SCGB2B2: variants seen among roughly 807,000 people sequenced by gnomAD.
SCGB2B2 encodes secretoglobin-like protein.
Under a neutral mutation model 7.6 loss-of-function variants are expected in SCGB2B2, and 11 were observed. The observed-to-expected ratio is 1.45, with a 90% confidence interval of 0.91 to 2.40. The LOEUF (loss-of-function observed/expected upper bound fraction) is 2.40, where lower values mean the gene tolerates loss of function less well. Among genes scored for constraint, SCGB2B2 ranks in the 30% most tolerant of loss-of-function variants. The probability of loss-of-function intolerance (pLI) is 0.00; values close to 1 mark genes in which losing one functional copy is unlikely to be tolerated. For synonymous variants in SCGB2B2, 50 were observed against 48.6 expected (o/e 1.03, Z -0.12); for missense variants, 104 against 115.4 (o/e 0.90, Z 0.45).
Position 34,625,155 on chromosome 19 carries a change from G to A in SCGB2B2, c.-2031-28561C>T, listed in dbSNP as rs557127930. Among the ~76,000 whole-genome samples the A allele has an allele frequency of 1.7e-3, 257 of 152,296 alleles. 1 individual carries two copies. The highest frequency in any genetic ancestry group is 5.7e-3 in the African/African-American group (235 of 41,566). The stretch of plus-strand genomic sequence containing the variant: ...GAAGTGAGGTGGAGCCAAGATGGCC[G>A]AATAAGAACAGTTACAGTCTACAGC... On this transcript the variant is annotated intron_variant, in intron 1 of 3. Coordinates refer to ENST00000601241, the MANE Select transcript of SCGB2B2 (RefSeq NM_001025591.4).
intron 1 of SCGB2B2, among the ~76,000 whole-genome samples, chr19:34,613,833 G>C (rs951940389): frequency 6.6e-6 from 1 of 152,110 alleles, no homozygotes; most frequent in African/African-American, 2.4e-5. Flanking sequence ...AATGTCCTTA[G>C]AGTTTCTTTT....
intron 1 of SCGB2B2, among the ~76,000 whole-genome samples, chr19:34,674,242 G>A (rs969821235): frequency 3.3e-5 from 5 of 152,174 alleles, no homozygotes; most frequent in African/African-American, 1.2e-4. Context: ...CTTAAGTGTG[G>A]TTTAAAGTGG....
intron 1 of SCGB2B2, among the ~76,000 whole-genome samples, chr19:34,615,121 G>T (rs1416715192): frequency 6.6e-6 from 1 of 152,096 alleles, no homozygotes; most frequent in Non-Finnish European, 1.5e-5. Context: ...GTGGCTATTA[G>T]CCCCCAGAAC....
At chr19:34,638,724 A>G (rs1021517188) in intron 1 of SCGB2B2, among the ~76,000 whole-genome samples, 1 of 152,188 alleles carries the variant, frequency 6.6e-6, no homozygotes, top group South Asian at 2.1e-4. Context: ...CAAAGGTTTA[A>G]TGCCAAAATA....
intron 1 of SCGB2B2, among the ~76,000 whole-genome samples, chr19:34,597,729 C>T (rs2065500409): frequency 6.6e-6 from 1 of 152,132 alleles, no homozygotes; most frequent in Non-Finnish European, 1.5e-5. Context: ...AGAGGGAAGA[C>T]AACAATTATT....
chr19:34,673,419 C>T (rs148180675), intron 1 of SCGB2B2, among the ~76,000 whole-genome samples: 8 of 152,220 alleles, frequency 5.3e-5, no homozygotes, highest in African/African-American at 1.9e-4. Context: ...CGATCCAGAC[C>T]CCAAGAGGGT....
intron 1 of SCGB2B2, among the ~76,000 whole-genome samples, chr19:34,657,177 A>T (rs554343843): frequency 6.6e-6 from 1 of 151,416 alleles, no homozygotes; most frequent in African/African-American, 2.5e-5. Context: ...CAGTGGCATT[A>T]AAAAGAACAG....
intron 1 of SCGB2B2, among the ~76,000 whole-genome samples, chr19:34,629,599 C>T (rs2066471356): frequency 6.6e-6 from 1 of 151,972 alleles, no homozygotes; most frequent in African/African-American, 2.4e-5. Context: ...CTACAAACCA[C>T]TGCTCAATGA....
chr19:34,591,632 G>A lies in SCGB2B2; in HGVS notation c.*1923C>T, dbSNP rs1269845898. On this transcript the variant is annotated 3_prime_UTR_variant, in exon 4 of 4. Coordinates refer to ENST00000601241, the MANE Select transcript of SCGB2B2 (RefSeq NM_001025591.4). ...CCTGGCACTTGCCTCGTTTTCTGAC[G>A]TGACCTCCTTCCCTGCTGCCCCTTG... Among the ~76,000 whole-genome samples the A allele has an allele frequency of 1.3e-5, 2 of 152,162 alleles. No homozygotes were observed. Among genetic ancestry groups the A allele is most frequent in the African/African-American group, 4.8e-5 (2 of 41,430 alleles).
At chr19:34,631,398 C>G (rs1208654629) in intron 1 of SCGB2B2, among the ~76,000 whole-genome samples, 1 of 151,200 alleles carries the variant, frequency 6.6e-6, no homozygotes, top group Non-Finnish European at 1.5e-5. Flanking sequence ...TCTTCTTCCA[C>G]TGTGGGCCAG....
rs889079404 is a variant in SCGB2B2, at chr19:34,592,572, A to T, written c.*983T>A. Among the ~76,000 whole-genome samples the T allele has an allele frequency of 2.6e-5, 4 of 152,066 alleles. No individual in the cohort carries two copies. Among genetic ancestry groups the T allele is most frequent in the Admixed American group, 6.5e-5 (1 of 15,272 alleles). On this transcript the variant is annotated 3_prime_UTR_variant, in exon 4 of 4. Coordinates refer to ENST00000601241, the MANE Select transcript of SCGB2B2 (RefSeq NM_001025591.4). ...CCTGGGAGGTCCAAGGAGCCTGCGG[A>T]AAGGGCTTGAGGTTTGGGGAGGGAC...
At chr19:34,666,246 C>T (rs2067617640) in intron 1 of SCGB2B2, among the ~76,000 whole-genome samples, 1 of 152,086 alleles carries the variant, frequency 6.6e-6, no homozygotes, top group South Asian at 2.1e-4. Context: ...GAGGCAGCCA[C>T]AAGGCCGGTC....
At chr19:34,652,032 G>C (rs1419617876) in intron 1 of SCGB2B2, among the ~76,000 whole-genome samples, 1 of 151,138 alleles carries the variant, frequency 6.6e-6, no homozygotes, top group East Asian at 1.9e-4. Flanking sequence ...CTGGTGAATG[G>C]ACAGTCTCTT....
At chr19:34,666,884 C>T (rs1189288576) in intron 1 of SCGB2B2, among the ~76,000 whole-genome samples, 1 of 152,074 alleles carries the variant, frequency 6.6e-6, no homozygotes, top group East Asian at 1.9e-4. Flanking sequence ...CCTGCAGATC[C>T]CAAGAAACTA....
intron 1 of SCGB2B2, among the ~76,000 whole-genome samples, chr19:34,668,830 C>T (rs1427084530): frequency 2.0e-5 from 3 of 151,528 alleles, no homozygotes; most frequent in Non-Finnish European, 4.4e-5. Flanking sequence ...GGATTGTAAA[C>T]GCACCAATCA....
At chr19:34,635,948 G>T (rs1325148921) in intron 1 of SCGB2B2, among the ~76,000 whole-genome samples, 1 of 152,216 alleles carries the variant, frequency 6.6e-6, no homozygotes, top group East Asian at 1.9e-4. Context: ...TGCCCCCCGT[G>T]TGTGCAGTTT....
In SCGB2B2 at chr19:34,676,551, A is replaced by G. The variant is rs1276592046; in HGVS notation, c.-2953T>C. Reference sequence around the variant, plus strand: ...AGCAGCCCAAGCTGCTGCTCTAACAATGGAGTACCCATTGTTTCTTTACTT... The same window carrying G: ...AGCAGCCCAAGCTGCTGCTCTAACAGTGGAGTACCCATTGTTTCTTTACTT... On this transcript the variant is annotated 5_prime_UTR_variant, in exon 1 of 4. Transcript: ENST00000601241. 1 of 152,098 alleles carries G rather than the reference A, an allele frequency of 6.6e-6. No homozygotes were observed. The highest frequency in any genetic ancestry group is 2.4e-5 in the African/African-American group (1 of 41,420). The allele number at this position is 152,098 out of a possible 1,614,324, so 9.4% of individuals were successfully genotyped here.
intron 1 of SCGB2B2, among the ~76,000 whole-genome samples, chr19:34,621,123 T>C (rs1331232580): frequency 6.6e-6 from 1 of 152,230 alleles, no homozygotes; most frequent in African/African-American, 2.4e-5. Context: ...TCAAAAAATA[T>C]TTTATCTAAG....
rs540545817 is a variant in SCGB2B2, at chr19:34,625,514, G to A, written c.-2031-28920C>T. On this transcript the variant is annotated intron_variant, in intron 1 of 3. Transcript: ENST00000601241. ...GAGGGTCCTACAACCACGGAGCCTC[G>A]CTCATTGCTAGCACAGCAGTCTGAG... Among the ~76,000 whole-genome samples, 7 of 152,274 alleles carry A rather than the reference G, an allele frequency of 4.6e-5. No homozygotes were observed. The South Asian group carries it at 1.0e-3, about 23-fold the overall frequency.
Sources: allele counts gnomAD v4.1 joint callset (sites outside exome capture counted in the v4.1 genomes callset), GRCh38; gene constraint gnomAD v4.1.1; transcripts MANE v1.5; gene names NCBI Gene and HGNC (gene_info 2026-07-23, HGNC 2026-07-21).